Variants in DUS3L observed in about 807,000 individuals in gnomAD.
DUS3L encodes the protein dihydrouridine synthase 3 like, also known as tRNA-dihydrouridine(47) synthase [NAD(P)(+)]-like.
In DUS3L, 62 loss-of-function variants were observed where a neutral mutation model predicts 74.6. The observed-to-expected ratio is 0.83, with a 90% CI of 0.68 to 1.03. The LOEUF is 1.03. Among genes scored for constraint, DUS3L ranks in the 50% least tolerant of loss-of-function variants. The probability of loss-of-function intolerance (pLI) is 0.00; values close to 1 mark genes in which losing one functional copy is unlikely to be tolerated. For missense variants in DUS3L, 884 were observed against 924.4 expected (o/e 0.96, Z 0.57); for synonymous variants, 433 against 395.7 (o/e 1.09, Z -1.12).
At chr19:5,789,866 T>C (rs2056892508) in intron 2 of DUS3L, 147 bp from the exon 3 acceptor site, 9 of 1,311,424 alleles carry the variant, frequency 6.9e-6, no homozygotes, top group Middle Eastern at 2.6e-4. Flanking sequence ...TCTCCATTTA[T>C]ACAATGAGAA....
At chr19:5,790,389 G>A in intron 1 of DUS3L, 54 bp from the exon 2 acceptor site, 4 of 1,602,284 alleles carry the variant, frequency 2.5e-6, no homozygotes, top group Middle Eastern at 1.7e-4. Context: ...TAAACACTGG[G>A]GAAAGGAGGC....
At chr19:5,788,574 C>T (rs1053829980) in intron 3 of DUS3L, among the ~76,000 whole-genome samples, 176 bp from the exon 4 acceptor site, 2 of 152,134 alleles carry the variant, frequency 1.3e-5, no homozygotes, top group African/African-American at 4.8e-5. Flanking sequence ...CTTTCCTCAT[C>T]GTCTCCTCCA....
At chr19:5,787,031 C>T (rs1448411837) in intron 8 of DUS3L, 30 bp downstream of exon 8, 2 of 1,514,590 alleles carry the variant, frequency 1.3e-6, no homozygotes, top group Admixed American at 4.1e-5. Context: ...GACCGCGAGG[C>T]CCCAATGCCC....
rs375469690 is a variant in DUS3L at position 5,785,725 on chromosome 19, C to T, written c.1629G>A (p.Ser543=). 1.1e-4 allele frequency: 171 copies of T among 1,611,658 alleles called. 9 individuals are homozygous for T. Among genetic ancestry groups the T allele is most frequent in the Admixed American group, 7.4e-4 (44 of 59,856 alleles). Residue 543 remains serine, a synonymous_variant, in exon 11 of 13, where the codon TCG becomes TCA. Coordinates refer to ENST00000309061, the MANE Select transcript of DUS3L (RefSeq NM_020175.3). ...IKEQRHWDIS[S]SERLDILRDF... The stretch of plus-strand genomic sequence containing the variant: ...CCCGCAGGATGTCCAGGCGCTCGGA[C>T]GACGAGATGTCCCAGTGCCGCTGCT...
Position 5,786,827 on chromosome 19 carries a change from CCCGAGAGCGG to C in DUS3L, c.1398_1407del (p.Arg467SerfsTer7). On this transcript the variant is annotated frameshift_variant, in exon 9 of 13. Transcript: ENST00000309061. LOFTEE classifies it high-confidence loss of function. ...TCGGCTAGCTTGGTGTAGCGCTGCT[CCCGAGAGCGG>C]CCGTGGAGCTGGGGGAGAAGCCGCC... is the stretch of plus-strand genomic sequence containing the variant. The C allele has an allele frequency of 6.2e-7, 1 of 1,610,452 alleles. No homozygotes were observed. Among genetic ancestry groups the C allele is most frequent in the Non-Finnish European group, 8.5e-7 (1 of 1,179,130 alleles).
At position 5,785,205 on chromosome 19, in the gene DUS3L, A is replaced by C; in HGVS notation, c.1951T>G (p.Ter651GluextTer?). 6.2e-7 allele frequency: 1 copy of C among 1,605,922 alleles called. No individual in the cohort carries two copies. The highest frequency in any genetic ancestry group is 8.5e-7 in the Non-Finnish European group (1 of 1,176,928). ...LPKHKANAYK[*>E] ...GGTGCCCCTGGGAAAGCCTGAGGCT[A>C]CTTGTACGCGTTGGCCTTGTGCTTC... Residue 651 changes from the stop codon to glutamate, a stop_lost, in exon 13 of 13, where the codon TAG becomes GAG. Transcript: ENST00000309061.
chr19:5,789,736 A>C lies in DUS3L; in HGVS notation c.388-17T>G. ...AGCCGACTCCTGCGAGGAAACAGGG[A>C]AGCAGTGAGGGAGGACAGGGAGACC... On this transcript the variant is annotated splice_polypyrimidine_tract_variant and intron_variant, in intron 2 of 12. Transcript: ENST00000309061. The C allele has an allele frequency of 6.3e-7, 1 of 1,586,868 alleles. No individual in the cohort carries two copies. Among genetic ancestry groups the C allele is most frequent in the African/African-American group, 1.3e-5 (1 of 74,680 alleles).
chr19:5,789,308 C>A lies in DUS3L; in HGVS notation c.799G>T (p.Ala267Ser). Reference sequence around the variant, plus strand: ...GGAGGGGTGCTAGTGCCCGGCCCTGCGGGGACCTGCTGGGCACCACAGTTT... The same window carrying A: ...GGAGGGGTGCTAGTGCCCGGCCCTGAGGGGACCTGCTGGGCACCACAGTTT... ...QENCGAQQVP[A>S]GPGTSTPPSS... is the part of the protein sequence containing the mutation. The change falls in exon 3 of 13, where the codon GCA (alanine) becomes TCA (serine). Residue 267 changes from alanine (A) to serine (S), a missense_variant. Coordinates refer to ENST00000309061, the MANE Select transcript of DUS3L (RefSeq NM_020175.3). 3 of 1,603,752 alleles carry A rather than the reference C, an allele frequency of 1.9e-6. No individual in the cohort carries two copies. Among genetic ancestry groups the A allele is most frequent in the South Asian group, 1.1e-5 (1 of 90,054 alleles).
intron 10 of DUS3L, 25 bp downstream of exon 10, chr19:5,786,442 A>C (rs781732250): frequency 6.2e-7 from 1 of 1,609,998 alleles, no homozygotes; most frequent in South Asian, 1.1e-5. Context: ...ATGAAGCTGG[A>C]TCTCTAACAT....
In DUS3L at chr19:5,788,375, G is replaced by A. The variant is rs776236795; in HGVS notation, c.924C>T (p.Tyr308=). Residue 308 remains tyrosine, a synonymous_variant, in exon 4 of 13, where the codon TAC becomes TAT. Coordinates refer to ENST00000309061, the MANE Select transcript of DUS3L (RefSeq NM_020175.3). ...GTCCTACCGTGGTGAGGGGGGCCAG[G>A]TAAAGTTTGCCACGGATGTCCAGCT... is the stretch of plus-strand genomic sequence containing the variant. ...KKRLDIRGKL[Y]LAPLTTCGNL... The A allele has an allele frequency of 6.2e-7, 1 of 1,613,712 alleles. No individual in the cohort carries two copies. Among genetic ancestry groups the A allele is most frequent in the Admixed American group, 1.7e-5 (1 of 59,988 alleles).
intron 1 of DUS3L, 46 bp downstream of exon 1, chr19:5,790,998 G>A: frequency 6.5e-7 from 1 of 1,536,752 alleles, no homozygotes; most frequent in Non-Finnish European, 8.8e-7. Context: ...CGCGCTATGG[G>A]TGCCGGAAAA....
rs566932517 is a variant in DUS3L at position 5,785,625 on chromosome 19, C to T, written c.1729G>A (p.Glu577Lys). The change falls in exon 11 of 13, where the codon GAG becomes AAG. Residue 577 changes from glutamate (E) to lysine (K), a missense_variant. Glu to Lys is a moderately conservative substitution (Grantham distance 56). Coordinates refer to ENST00000309061, the MANE Select transcript of DUS3L (RefSeq NM_020175.3). ...GVEKTRRFLL[E>K]WLSFLCRYVP... ...CACCGGCACAGGAAGGACAGCCACT[C>T]GAGCAGAAAGCGCCGGGTCTTCTCC... 84 of 1,608,728 alleles carry T rather than the reference C, an allele frequency of 5.2e-5. No homozygotes were observed. The East Asian group carries it at 7.6e-4, about 15-fold the overall frequency.
chr19:5,787,275 C>A (rs781378688), intron 7 of DUS3L, 21 bp downstream of exon 7: 1 of 848,462 alleles, frequency 1.2e-6, no homozygotes, highest in Non-Finnish European at 1.4e-6. Flanking sequence ...GGAGCCAGTG[C>A]GAGGATGTGG....
rs1485897929 is a variant in DUS3L, at chr19:5,789,495, C to T, written c.612G>A (p.Pro204=). Residue 204 remains proline (P), a synonymous_variant, in exon 3 of 13, where the codon CCG becomes CCA. Transcript: ENST00000309061. The stretch of plus-strand genomic sequence containing the variant: ...CTTTGTCCAGGCCGTTGCGGATGGA[C>T]GGGGGCTGGGTCCCGCGGGCCGCCA... The part of the protein sequence containing the change: ...EELAARGTQP[P]SIRNGLDKAL... 17 of 1,604,702 alleles carry T rather than the reference C, an allele frequency of 1.1e-5. No homozygotes were observed. The highest frequency in any genetic ancestry group is 4.0e-5 in the African/African-American group (3 of 74,890).
intron 1 of DUS3L, 137 bp downstream of exon 1, chr19:5,790,907 C>G (rs569216325): frequency 3.2e-5 from 27 of 844,990 alleles, no homozygotes; most frequent in Non-Finnish European, 4.5e-5. Context: ...ACCCTGCAGG[C>G]GGAAGAACGG....
intron 3 of DUS3L, among the ~76,000 whole-genome samples, chr19:5,788,898 G>A (rs919755101): frequency 6.6e-6 from 1 of 152,064 alleles, no homozygotes; most frequent in Non-Finnish European, 1.5e-5. Flanking sequence ...GTAGAGATAG[G>A]GTTTCACCAT....
chr19:5,788,405 G>A lies in DUS3L; in HGVS notation c.901-7C>T. The A allele has an allele frequency of 6.2e-7, 1 of 1,612,598 alleles. No individual in the cohort carries two copies. On this transcript the variant is annotated splice_polypyrimidine_tract_variant and splice_region_variant and intron_variant, in intron 3 of 12. Transcript: ENST00000309061. ...GTTTGCCACGGATGTCCAGCTGGAG[G>A]GAAAAAAATACACACAAGTGGAGCT...
rs751632018 is a variant in DUS3L at position 5,790,141 on chromosome 19, T to G, written c.293A>C (p.Gln98Pro). The G allele has an allele frequency of 6.2e-7, 1 of 1,614,196 alleles. No individual in the cohort carries two copies. The highest frequency in any genetic ancestry group is 2.2e-5 in the East Asian group (1 of 44,882). The part of the protein sequence containing the change: ...EEAAEPGEQL[Q>P]TQKRARGQNK... ...TTGTCCCCGGGCCCTCTTCTGAGTC[T>G]GTAGCTGCTCCCCGGGCTCTGCTGC... The change falls in exon 2 of 13, where the codon CAG (glutamine) becomes CCG (proline). Residue 98 changes from glutamine (Q) to proline (P), a missense_variant. Transcript: ENST00000309061.
intron 1 of DUS3L, among the ~76,000 whole-genome samples, 194 bp from the exon 2 acceptor site, chr19:5,790,529 T>C (rs78614307): frequency 0.032 from 4,830 of 152,148 alleles, 104 homozygotes; most frequent in Non-Finnish European, 0.047. Context: ...GTCCTCACTG[T>C]CCAAAGTGTT....
Sources: allele counts gnomAD v4.1 joint callset (sites outside exome capture counted in the v4.1 genomes callset), GRCh38; gene constraint gnomAD v4.1.1; transcripts MANE v1.5; gene names NCBI Gene and HGNC (gene_info 2026-07-23, HGNC 2026-07-21).